The following ZBTB11 variants were observed in gnomAD, a reference collection of about 807,000 sequenced individuals.
ZBTB11 encodes the protein zinc finger and BTB domain containing 11, also known as zinc finger and BTB domain-containing protein 11.
In ZBTB11, 68 loss-of-function variants were observed where a neutral mutation model predicts 113.1. The ratio of observed to expected loss-of-function variants is 0.60; its 90% confidence interval spans 0.49 to 0.74. ZBTB11 has a LOEUF of 0.74. Among genes scored for constraint, ZBTB11 ranks in the 30% least tolerant of loss-of-function variants. The probability of loss-of-function intolerance (pLI) is 0.00; values close to 1 mark genes in which losing one functional copy is unlikely to be tolerated. For missense variants in ZBTB11, 1,104 were observed against 1,279.4 expected (o/e 0.86, Z 2.09); for synonymous variants, 518 against 452.6 (o/e 1.14, Z -1.83).
Position 101,650,033 on chromosome 3 carries a change from GAATT to G in ZBTB11, c.*1129_*1132del, listed in dbSNP as rs1414066491. ...GGTGGGATTTAAAAATCAAACATAT[GAATT>G]AATATAACTTAGTTTTCATAACCTT... is the stretch of plus-strand genomic sequence containing the variant. On this transcript the variant is annotated 3_prime_UTR_variant, in exon 11 of 11. Transcript: ENST00000312938. The G allele has an allele frequency of 1.3e-5, 2 of 152,368 alleles. No individual in the cohort carries two copies. The highest frequency in any genetic ancestry group is 2.9e-5 in the Non-Finnish European group (2 of 67,976). The allele number at this position is 152,368 out of a possible 1,614,324, so 9.4% of individuals were successfully genotyped here. A position where few individuals can be genotyped will look rare whatever the true frequency, so the allele number is the denominator to read the frequency against.
intron 6 of ZBTB11, among the ~76,000 whole-genome samples, chr3:101,658,917 A>T (rs1328658999): frequency 6.6e-6 from 1 of 152,198 alleles, no homozygotes; most frequent in Admixed American, 6.5e-5. Context: ...AAAAAATCTC[A>T]TTGGTTCCAA....
At position 101,649,250 on chromosome 3, in the gene ZBTB11, T is replaced by TA. The variant is rs1252192643; in HGVS notation, c.*1915dup. On this transcript the variant is annotated 3_prime_UTR_variant, in exon 11 of 11. Transcript: ENST00000312938. ...CTTTTGCTGGGGAACTGCCCTCTTCTACCCATTATTTCCTTGCCTCTTGTC... is the reference window on the plus strand; with the variant it reads ...CTTTTGCTGGGGAACTGCCCTCTTCTAACCCATTATTTCCTTGCCTCTTGTC... 1.3e-5 allele frequency: 2 copies of TA among 152,250 alleles called. No individual in the cohort carries two copies. The highest frequency in any genetic ancestry group is 6.5e-5 in the Admixed American group (1 of 15,286). The allele number at this position is 152,250 out of a possible 1,614,324, so 9.4% of individuals were successfully genotyped here.
chr3:101,654,893 G>A, intron 7 of ZBTB11, 72 bp from the exon 8 acceptor site: 1 of 1,104,818 alleles, frequency 9.1e-7, no homozygotes, highest in Non-Finnish European at 1.3e-6. Context: ...TTTTTTTTTT[G>A]AGTGGCATCT....
chr3:101,673,208 C>T (rs1373730604), intron 1 of ZBTB11, among the ~76,000 whole-genome samples: 2 of 152,132 alleles, frequency 1.3e-5, no homozygotes, highest in African/African-American at 4.8e-5. Flanking sequence ...ACACATCCCA[C>T]TATCATCCTT....
At chr3:101,676,581 C>T in intron 1 of ZBTB11, 24 bp downstream of exon 1, 1 of 1,465,238 alleles carries the variant, frequency 6.8e-7, no homozygotes, top group Non-Finnish European at 9.0e-7. Context: ...CCAGCCCGCC[C>T]CCTCGCCGCG....
At chr3:101,673,828 T>A (rs1445926296) in intron 1 of ZBTB11, among the ~76,000 whole-genome samples, 1 of 152,250 alleles carries the variant, frequency 6.6e-6, no homozygotes, top group East Asian at 1.9e-4. Flanking sequence ...AAGTTCCTTA[T>A]ACTTTCAATC....
intron 6 of ZBTB11, among the ~76,000 whole-genome samples, chr3:101,657,481 G>T (rs1301495188): frequency 1.3e-5 from 2 of 151,282 alleles, no homozygotes; most frequent in African/African-American, 2.4e-5. Context: ...ACTCCAGCCT[G>T]CGGAAACAGA....
intron 3 of ZBTB11, among the ~76,000 whole-genome samples, 186 bp from the exon 4 acceptor site, chr3:101,665,994 G>A (rs1936990293): frequency 6.6e-6 from 1 of 152,158 alleles, no homozygotes; most frequent in Non-Finnish European, 1.5e-5. Context: ...TATGAGCTAA[G>A]TCTCAGTACC....
chr3:101,676,272 A>G (rs76899210), intron 1 of ZBTB11, among the ~76,000 whole-genome samples: 1,900 of 132,978 alleles, frequency 0.014, 42 homozygotes, highest in African/African-American at 0.051. Context: ...CCACCTCCAG[A>G]GGGCCGGGGC....
chr3:101,663,700 G>A (rs1936931253), intron 5 of ZBTB11, among the ~76,000 whole-genome samples: 1 of 152,058 alleles, frequency 6.6e-6, no homozygotes, highest in Non-Finnish European at 1.5e-5. Context: ...AGACCAGCCT[G>A]GCCAACATGG....
At chr3:101,663,428 A>G (rs2108321900) in intron 5 of ZBTB11, among the ~76,000 whole-genome samples, 1 of 152,306 alleles carries the variant, frequency 6.6e-6, no homozygotes, top group South Asian at 2.1e-4. Context: ...ATATCTGTTC[A>G]TATTTCAGAA....
At chr3:101,666,926 T>C (rs1937005718) in intron 3 of ZBTB11, among the ~76,000 whole-genome samples, 1 of 152,142 alleles carries the variant, frequency 6.6e-6, no homozygotes, top group Admixed American at 6.5e-5. Flanking sequence ...AATTTTTGTA[T>C]TTTTAGTAGA....
chr3:101,656,115 C>G lies in ZBTB11; in HGVS notation c.2180G>C (p.Ser727Thr). The change falls in exon 7 of 11, where the codon AGT becomes ACT. Residue 727 changes from serine (S) to threonine (T), a missense_variant. Coordinates refer to ENST00000312938, the MANE Select transcript of ZBTB11 (RefSeq NM_014415.4). The part of the protein sequence containing the change: ...VTKRSLQEHM[S>T]IHTGESKYLC... ...AAATTTCTCATTACCTGTGTGAATA[C>G]TCATATGTTCTTGAAGACTCCGTTT... 2.5e-6 allele frequency: 4 copies of G among 1,572,078 alleles called. No individual in the cohort carries two copies. Among genetic ancestry groups the G allele is most frequent in the Non-Finnish European group, 3.4e-6 (4 of 1,161,952 alleles).
At position 101,672,068 on chromosome 3, in the gene ZBTB11, C is replaced by T. The variant is rs1000206619; in HGVS notation, c.456G>A (p.Ser152=). The T allele has an allele frequency of 7.4e-6, 12 of 1,613,994 alleles. No homozygotes were observed. The highest frequency in any genetic ancestry group is 4.5e-5 in the East Asian group (2 of 44,884). ...DLESGEESNE[S]EDDLSNFTSS... is the part of the protein sequence containing the mutation. The stretch of plus-strand genomic sequence containing the variant: ...AAGTAAAGTTGCTCAGGTCATCTTC[C>T]GATTCATTACTTTCTTCTCCAGATT... The change falls in exon 2 of 11, where the codon TCG becomes TCA. Residue 152 remains serine (S), a synonymous_variant. Coordinates refer to ENST00000312938, the MANE Select transcript of ZBTB11 (RefSeq NM_014415.4).
rs1244598917 is a variant in ZBTB11, at chr3:101,650,627, TA to T, written c.*538del. On this transcript the variant is annotated 3_prime_UTR_variant, in exon 11 of 11. Transcript: ENST00000312938. ...ACTTAAAAGGGGATAAAATAAATAGTAAGTCAAGAATCACAGATCTAAAGCA... is the reference window on the plus strand; with the variant it reads ...ACTTAAAAGGGGATAAAATAAATAGTAGTCAAGAATCACAGATCTAAAGCA... 1 of 152,594 alleles carries T rather than the reference TA, an allele frequency of 6.6e-6. No individual in the cohort carries two copies. The highest frequency in any genetic ancestry group is 2.4e-5 in the African/African-American group (1 of 41,446). The allele number at this position is 152,594 out of a possible 1,614,324, so 9.5% of individuals were successfully genotyped here.
At chr3:101,671,039 T>C (rs1937077803) in intron 3 of ZBTB11, 91 bp downstream of exon 3, 1 of 1,054,094 alleles carries the variant, frequency 9.5e-7, no homozygotes, top group Non-Finnish European at 1.4e-6. Flanking sequence ...TCTCTTACTT[T>C]GGCATAAAGT....
chr3:101,651,792 T>C (rs1261992830), intron 10 of ZBTB11, 109 bp from the exon 11 acceptor site: 2 of 1,158,516 alleles, frequency 1.7e-6, no homozygotes, highest in Non-Finnish European at 2.3e-6. Flanking sequence ...TCATAAGCCT[T>C]TCTATCTGGA....
At position 101,652,567 on chromosome 3, in the gene ZBTB11, C is replaced by T. The variant is rs759283966; in HGVS notation, c.2573G>A (p.Arg858Gln). Reference protein sequence around the residue: ...KKGRAKQNLERVCEKCGRKFT... With the variant: ...KKGRAKQNLEQVCEKCGRKFT... ...TTTTCTTCCACATTTTTCACACACCCGTTCCAGGTTTTGCTTTGCTCTTCC... is the reference window on the plus strand; with the variant it reads ...TTTTCTTCCACATTTTTCACACACCTGTTCCAGGTTTTGCTTTGCTCTTCC... Residue 858 changes from arginine (R) to glutamine (Q), a missense_variant, in exon 10 of 11, where the codon CGG becomes CAG. Around this residue, in one of 5 missense-constraint regions of ZBTB11, gnomAD observed 148 missense variants for 259.3 expected, o/e 0.57. Transcript: ENST00000312938. 6 of 1,614,026 alleles carry T rather than the reference C, an allele frequency of 3.7e-6. No homozygotes were observed. The highest frequency in any genetic ancestry group is 5.1e-6 in the Non-Finnish European group (6 of 1,180,030).
intron 1 of ZBTB11, among the ~76,000 whole-genome samples, chr3:101,674,032 C>T (rs1291907917): frequency 9.7e-6 from 1 of 102,708 alleles, no homozygotes; most frequent in East Asian, 3.0e-4. Context: ...TTCACAGAGA[C>T]TGTTTTTTTT....
Sources: gnomAD v4.1 joint callset for allele counts (sites outside exome capture counted in the v4.1 genomes callset) on GRCh38, gnomAD v4.1.1 for gene constraint, gnomAD v4.1.1 regional missense constraint, MANE v1.5 for transcripts, NCBI Gene and HGNC (gene_info 2026-07-23, HGNC 2026-07-21) for gene names.